Variants in KCTD8 observed in about 807,000 individuals in gnomAD.
KCTD8 encodes BTB/POZ domain-containing protein KCTD8.
KCTD8 carries 27 observed loss-of-function variants against 31.5 expected under a neutral mutation model. The observed-to-expected ratio is 0.86, with a 90% CI of 0.63 to 1.18. The LOEUF is 1.18. Ranked by LOEUF, KCTD8 falls within the 50% of genes most tolerant of loss-of-function variation. KCTD8 has a pLI of 0.00. For synonymous variants in KCTD8, 290 were observed against 280.0 expected, an observed-to-expected ratio of 1.04 and a Z score of -0.36; for missense variants, 658 against 647.7, an observed-to-expected ratio of 1.02 and a Z score of -0.17.
intron 1 of KCTD8, among the ~76,000 whole-genome samples, chr4:44,259,446 C>T (rs542318088): frequency 1.3e-5 from 2 of 151,900 alleles, no homozygotes; most frequent in East Asian, 1.9e-4. Context: ...CATAGGATTA[C>T]AAAAACAGAG....
rs1715103802 is a variant in KCTD8, at chr4:44,231,007, A to T, written c.962-55757T>A. Among the ~76,000 whole-genome samples, 8 of 152,162 alleles carry T rather than the reference A, an allele frequency of 5.3e-5. No individual in the cohort carries two copies. In the South Asian group the frequency reaches 1.7e-3, roughly 32 times the overall value. On this transcript the variant is annotated intron_variant, in intron 1 of 1. Coordinates refer to ENST00000360029, the MANE Select transcript of KCTD8 (RefSeq NM_198353.3). ...ATCGATTTCGCTGGCAAATTTATAA[A>T]TTTGGTCCTAAATTCTATGAGTTTG...
chr4:44,286,540 A>G (rs907675421), intron 1 of KCTD8, among the ~76,000 whole-genome samples: 4 of 152,092 alleles, frequency 2.6e-5, no homozygotes, highest in Admixed American at 2.0e-4. Flanking sequence ...TACAAATGCA[A>G]TAGTCTCCTA....
At chr4:44,209,579 T>G (rs905334996) in intron 1 of KCTD8, among the ~76,000 whole-genome samples, 1 of 151,680 alleles carries the variant, frequency 6.6e-6, no homozygotes, top group African/African-American at 2.4e-5. Flanking sequence ...GATTGATTGA[T>G]TGATTGACTG....
intron 1 of KCTD8, among the ~76,000 whole-genome samples, chr4:44,372,896 C>T (rs1378823124): frequency 1.3e-5 from 2 of 152,146 alleles, no homozygotes; most frequent in Non-Finnish European, 2.9e-5. Context: ...ATTAAAATCC[C>T]AGCTGTATCA....
At chr4:44,391,000 A>G (rs1295605665) in intron 1 of KCTD8, among the ~76,000 whole-genome samples, 1 of 151,980 alleles carries the variant, frequency 6.6e-6, no homozygotes, top group East Asian at 1.9e-4. Flanking sequence ...CTCAGCCATA[A>G]AAAGGGATGA....
At chr4:44,250,160 T>A (rs77076653) in intron 1 of KCTD8, among the ~76,000 whole-genome samples, 5,084 of 151,864 alleles carry the variant, frequency 0.033, 298 homozygotes, top group African/African-American at 0.12. Context: ...TGAGTTTTTT[T>A]AGGCTCTTAG....
chr4:44,224,734 C>T (rs1466108323), intron 1 of KCTD8, among the ~76,000 whole-genome samples: 1 of 152,118 alleles, frequency 6.6e-6, no homozygotes, highest in Non-Finnish European at 1.5e-5. Context: ...TTCTTGTCCA[C>T]ATAATAGTTC....
intron 1 of KCTD8, among the ~76,000 whole-genome samples, chr4:44,432,180 AT>A (rs1343589749): frequency 6.6e-6 from 1 of 151,302 alleles, no homozygotes; most frequent in African/African-American, 2.4e-5. Context: ...AATAATTACA[AT>A]TTATTTTAAT....
intron 1 of KCTD8, chr4:44,293,498 C>CA (rs1278944189): frequency 2.2e-6 from 1 of 452,202 alleles, no homozygotes; most frequent in Admixed American, 2.4e-5. Context: ...CTAGAGGTAG[C>CA]AAAGGTGTAA....
At chr4:44,374,594 T>G (rs1016286069) in intron 1 of KCTD8, among the ~76,000 whole-genome samples, 1 of 152,154 alleles carries the variant, frequency 6.6e-6, no homozygotes, top group Non-Finnish European at 1.5e-5. Flanking sequence ...CACGCCTTCC[T>G]CACTAATCCT....
chr4:44,368,443 T>C (rs1392645625), intron 1 of KCTD8, among the ~76,000 whole-genome samples: 4 of 152,080 alleles, frequency 2.6e-5, no homozygotes, highest in Non-Finnish European at 4.4e-5. Flanking sequence ...GTATGAGCCA[T>C]ATTCTGGAAT....
intron 1 of KCTD8, among the ~76,000 whole-genome samples, chr4:44,348,425 T>C (rs1719093960): frequency 6.6e-6 from 1 of 152,122 alleles, no homozygotes; most frequent in African/African-American, 2.4e-5. Flanking sequence ...AGAAAATAAA[T>C]GCAAACTACA....
intron 1 of KCTD8, among the ~76,000 whole-genome samples, chr4:44,194,662 G>A (rs535876467): frequency 6.6e-6 from 1 of 151,832 alleles, no homozygotes; most frequent in African/African-American, 2.4e-5. Context: ...AAGTAATCGG[G>A]GTGCCTACTC....
At chr4:44,202,488 G>A (rs1011384207) in intron 1 of KCTD8, among the ~76,000 whole-genome samples, 1 of 152,166 alleles carries the variant, frequency 6.6e-6, no homozygotes, top group Non-Finnish European at 1.5e-5. Context: ...CACCATGGAT[G>A]CAGCTGGAAG....
intron 1 of KCTD8, among the ~76,000 whole-genome samples, chr4:44,269,753 A>G (rs1449637015): frequency 6.6e-6 from 1 of 152,146 alleles, no homozygotes; most frequent in East Asian, 1.9e-4. Context: ...CACTTCTCAA[A>G]AGAAGACATT....
At chr4:44,322,922 C>G (rs956380095) in intron 1 of KCTD8, among the ~76,000 whole-genome samples, 1 of 151,948 alleles carries the variant, frequency 6.6e-6, no homozygotes, top group Non-Finnish European at 1.5e-5. Flanking sequence ...TCTGAGTTCT[C>G]TATTCTGTTC....
chr4:44,327,780 G>A (rs983950939), intron 1 of KCTD8, among the ~76,000 whole-genome samples: 1 of 151,694 alleles, frequency 6.6e-6, no homozygotes, highest in African/African-American at 2.4e-5. Flanking sequence ...CCCATCTATT[G>A]AATGGAGGCA....
At chr4:44,333,921 C>T (rs1718651410) in intron 1 of KCTD8, among the ~76,000 whole-genome samples, 1 of 151,940 alleles carries the variant, frequency 6.6e-6, no homozygotes, top group African/African-American at 2.4e-5. Flanking sequence ...ATTCATGTTC[C>T]TTCATATGCC....
chr4:44,251,074 T>G (rs1715817777), intron 1 of KCTD8, among the ~76,000 whole-genome samples: 1 of 151,722 alleles, frequency 6.6e-6, no homozygotes, highest in Non-Finnish European at 1.5e-5. Context: ...TTTACCAGCA[T>G]TATTTATGGA....
Sources: allele counts gnomAD v4.1 joint callset (sites outside exome capture counted in the v4.1 genomes callset), GRCh38; gene constraint gnomAD v4.1.1; transcripts MANE v1.5; gene names NCBI Gene and HGNC (gene_info 2026-07-23, HGNC 2026-07-21).